EML4: variants seen among roughly 807,000 people sequenced by gnomAD.
The protein encoded by EML4 is echinoderm microtubule-associated protein-like 4.
A neutral mutation model predicts 129.0 loss-of-function variants in EML4; 72 were observed. That is an observed-to-expected ratio of 0.56 (90% CI 0.46 to 0.68). EML4 has a LOEUF of 0.68. Ranked by LOEUF, EML4 falls within the 30% of genes least tolerant of loss-of-function variation. EML4 has a pLI of 0.00. For synonymous variants in EML4, 532 were observed against 405.0 expected (o/e 1.31, Z -3.77); for missense variants, 1,363 against 1,190.6 (o/e 1.14, Z -2.13).
At chr2:42,178,935 G>C (rs1265520543) in intron 1 of EML4, among the ~76,000 whole-genome samples, 1 of 152,138 alleles carries the variant, frequency 6.6e-6, no homozygotes, top group Non-Finnish European at 1.5e-5. Context: ...GTTTAGACAG[G>C]AATCATCAAT....
chr2:42,323,948 A>T lies in EML4; in HGVS notation c.2155-1519A>T, dbSNP rs182873974. On this transcript the variant is annotated intron_variant, in intron 19 of 22. Transcript: ENST00000318522. ...GAACGAGTGAGACTCTGTCTCAATT[A>T]AAAAAAAAAGAAAAGAAAAAGAAAA... is the stretch of plus-strand genomic sequence containing the variant. 4.4e-4 allele frequency among the ~76,000 whole-genome samples: 64 copies of T among 146,538 alleles called. No individual in the cohort carries two copies. In the East Asian group the frequency reaches 5.6e-3, roughly 13 times the overall value.
chr2:42,283,071 C>A, intron 8 of EML4, 99 bp downstream of exon 8: 2 of 1,144,166 alleles, frequency 1.7e-6, no homozygotes, highest in South Asian at 1.7e-5. Context: ...TTGTGGAAAG[C>A]TCAGAATGTA....
At chr2:42,301,058 T>G (rs1668258092) in intron 13 of EML4, among the ~76,000 whole-genome samples, 183 bp from the exon 14 acceptor site, 1 of 152,214 alleles carries the variant, frequency 6.6e-6, no homozygotes, top group South Asian at 2.1e-4. Context: ...TGCAAAAGAT[T>G]GTATTATACC....
chr2:42,260,530 AT>A (rs57148718), intron 3 of EML4, among the ~76,000 whole-genome samples: 19,028 of 152,032 alleles, frequency 0.13, 1,207 homozygotes, highest in East Asian at 0.18. Context: ...TTGATAACTC[AT>A]TTTTTTTGTA....
chr2:42,280,277 A>C (rs1245519391), intron 6 of EML4, among the ~76,000 whole-genome samples: 1 of 152,230 alleles, frequency 6.6e-6, no homozygotes, highest in Non-Finnish European at 1.5e-5. Flanking sequence ...TAGATAAATT[A>C]TATTTTAATT....
At chr2:42,246,508 G>C (rs901513405) in intron 2 of EML4, among the ~76,000 whole-genome samples, 1 of 152,154 alleles carries the variant, frequency 6.6e-6, no homozygotes, top group Non-Finnish European at 1.5e-5. Context: ...AATTCTAGCT[G>C]AGTAGGAGAT....
At chr2:42,288,062 A>C (rs528621970) in intron 10 of EML4, among the ~76,000 whole-genome samples, 165 bp from the exon 11 acceptor site, 2 of 152,322 alleles carry the variant, frequency 1.3e-5, no homozygotes, top group Non-Finnish European at 2.9e-5. Flanking sequence ...TTTTGAGGAA[A>C]ATACAATTGT....
At chr2:42,320,839 C>T (rs1160347002) in intron 19 of EML4, among the ~76,000 whole-genome samples, 1 of 151,908 alleles carries the variant, frequency 6.6e-6, no homozygotes, top group Non-Finnish European at 1.5e-5. Flanking sequence ...GCCCAGGAGA[C>T]AGTATATTTA....
intron 1 of EML4, chr2:42,170,200 T>A (rs990938491): frequency 6.6e-6 from 1 of 152,358 alleles, no homozygotes; most frequent in African/African-American, 2.4e-5. Context: ...TTCAGAGTAG[T>A]AGGCAACTTC....
intron 5 of EML4, 79 bp from the exon 6 acceptor site, chr2:42,264,627 T>C: frequency 6.1e-6 from 5 of 819,480 alleles, no homozygotes; most frequent in South Asian, 1.6e-5. Context: ...ATTAAAACTT[T>C]TACAGTTTCT....
intron 1 of EML4, among the ~76,000 whole-genome samples, chr2:42,189,682 G>C (rs1013416836): frequency 4.6e-5 from 7 of 152,180 alleles, no homozygotes; most frequent in African/African-American, 1.7e-4. Flanking sequence ...TATAAAAGAG[G>C]AAACTATAAG....
chr2:42,169,763 C>G (rs1232335253), intron 1 of EML4, 127 bp downstream of exon 1: 12 of 1,068,322 alleles, frequency 1.1e-5, no homozygotes, highest in Non-Finnish European at 5.2e-6. Flanking sequence ...CACATGTTCC[C>G]TTCGAGGCTG....
chr2:42,205,229 A>T (rs1488531080), intron 1 of EML4, among the ~76,000 whole-genome samples: 1 of 152,236 alleles, frequency 6.6e-6, no homozygotes, highest in Non-Finnish European at 1.5e-5. Flanking sequence ...ATTTTAGTAT[A>T]AGTTGGCTTA....
chr2:42,325,602 T>TTTTATATATA (rs1286364147), intron 20 of EML4, 48 bp downstream of exon 20: 4 of 124,280 alleles, frequency 3.2e-5, no homozygotes, highest in African/African-American at 8.9e-5. Context: ...ATGATTATAT[T>TTTTATATATA]TATATATATA....
rs1485424219 is a variant in EML4, at chr2:42,331,129, T to TA, written c.*925dup. On this transcript the variant is annotated 3_prime_UTR_variant, in exon 23 of 23. Coordinates refer to ENST00000318522, the MANE Select transcript of EML4 (RefSeq NM_019063.5). Reference sequence around the variant, plus strand: ...TGTTCCCTCAGTAATAGGAGAAATATAAATACAGTAAGTTTAGATTATTGA... The same window carrying TA: ...TGTTCCCTCAGTAATAGGAGAAATATAAAATACAGTAAGTTTAGATTATTGA... The TA allele has an allele frequency of 4.6e-6, 1 of 218,336 alleles. No individual in the cohort carries two copies. Among genetic ancestry groups the TA allele is most frequent in the African/African-American group, 2.2e-5 (1 of 44,566 alleles). The allele number at this position is 218,336 out of a possible 1,614,324, so 13.5% of individuals were successfully genotyped here.
chr2:42,268,169 A>G (rs1214049459), intron 6 of EML4, among the ~76,000 whole-genome samples: 2 of 152,206 alleles, frequency 1.3e-5, no homozygotes, highest in Non-Finnish European at 2.9e-5. Context: ...ACCGACCTGC[A>G]TTCGAAATAT....
At chr2:42,259,769 A>C (rs1665601707) in intron 3 of EML4, among the ~76,000 whole-genome samples, 2 of 118,596 alleles carry the variant, frequency 1.7e-5, no homozygotes, top group South Asian at 5.3e-4. Context: ...TCGCTCTGTC[A>C]CCCAGGCTGG....
chr2:42,194,721 AG>A (rs1671800367), intron 1 of EML4, among the ~76,000 whole-genome samples: 1 of 151,804 alleles, frequency 6.6e-6, no homozygotes, highest in East Asian at 1.9e-4. Context: ...CATGTTGCCC[AG>A]TCTGGTCTCG....
At chr2:42,203,675 T>C (rs1572536529) in intron 1 of EML4, among the ~76,000 whole-genome samples, 1 of 143,952 alleles carries the variant, frequency 6.9e-6, no homozygotes, top group South Asian at 2.2e-4. Flanking sequence ...TCCCCCCACA[T>C]ATTTTGGTGT....
Sources: allele counts gnomAD v4.1 joint callset (sites outside exome capture counted in the v4.1 genomes callset), GRCh38; gene constraint gnomAD v4.1.1; transcripts MANE v1.5; gene names NCBI Gene and HGNC (gene_info 2026-07-23, HGNC 2026-07-21).